The following FARS2 variants were observed in gnomAD, a reference collection of about 807,000 sequenced individuals.
The protein encoded by FARS2 is phenylalanyl-tRNA synthetase 2, mitochondrial.
Under a neutral mutation model 46.4 loss-of-function variants are expected in FARS2, and 40 were observed. The ratio of observed to expected loss-of-function variants is 0.86; its 90% CI spans 0.67 to 1.12. The LOEUF is 1.12. FARS2 is among the 50% of genes most tolerant of loss of function. FARS2 has a pLI of 0.00. For missense variants in FARS2, 513 were observed against 567.9 expected, an observed-to-expected ratio of 0.90 and a Z score of 0.98; for synonymous variants, 234 against 214.9, an observed-to-expected ratio of 1.09 and a Z score of -0.78.
intron 5 of FARS2, among the ~76,000 whole-genome samples, chr6:5,593,782 G>A (rs1774052762): frequency 6.6e-6 from 1 of 152,240 alleles, no homozygotes; most frequent in Non-Finnish European, 1.5e-5. Flanking sequence ...TTTCGGGGCA[G>A]TGGAGAAGCC....
chr6:5,563,607 G>T lies in FARS2; in HGVS notation c.1065+18267G>T, dbSNP rs149638951. 5.3e-5 allele frequency among the ~76,000 whole-genome samples: 8 copies of T among 152,260 alleles called. No individual in the cohort carries two copies. The East Asian group carries it at 1.5e-3, about 29-fold the overall frequency. ...CTACTTCCTGCTGAAAAGGGGTTTC[G>T]AATGGGGAACAGTAGCTAGGGCTCC... On this transcript the variant is annotated intron_variant, in intron 5 of 6. Coordinates refer to ENST00000274680, the MANE Select transcript of FARS2 (RefSeq NM_006567.5).
At chr6:5,602,645 C>CAA (rs55712653) in intron 5 of FARS2, among the ~76,000 whole-genome samples, 24,079 of 71,872 alleles carry the variant, frequency 0.34, 5,728 homozygotes, top group Middle Eastern at 0.52. Flanking sequence ...GACTCCGTCT[C>CAA]AAAAAAAAAA....
intron 1 of FARS2, among the ~76,000 whole-genome samples, chr6:5,313,294 C>G (rs925031143): frequency 1.3e-5 from 2 of 152,210 alleles, no homozygotes; most frequent in African/African-American, 2.4e-5. Context: ...GCTGTCCATA[C>G]TCAGACTACC....
At chr6:5,401,971 TTATCTGG>T (rs1761281901) in intron 2 of FARS2, among the ~76,000 whole-genome samples, 1 of 151,778 alleles carries the variant, frequency 6.6e-6, no homozygotes, top group Non-Finnish European at 1.5e-5. Context: ...GGTACCCATT[TTATCTGG>T]TATTAGTTCT....
intron 2 of FARS2, among the ~76,000 whole-genome samples, chr6:5,402,353 A>G (rs1761308832): frequency 9.9e-6 from 1 of 100,896 alleles, no homozygotes; most frequent in African/African-American, 3.9e-5. Flanking sequence ...TTAGTTTTTA[A>G]GTATTAGTTT....
At chr6:5,271,884 G>T (rs914907565) in intron 1 of FARS2, among the ~76,000 whole-genome samples, 2 of 152,054 alleles carry the variant, frequency 1.3e-5, no homozygotes, top group Non-Finnish European at 2.9e-5. Flanking sequence ...TATAGTAAAT[G>T]ATCGATAAAT....
In FARS2 at chr6:5,594,616, G is replaced by A. The variant is rs954325439; in HGVS notation, c.1066-18553G>A. ...ATGGCAGAAAGCAGCTCCCCACCCT[G>A]GGGCTGAGGGAACAATCGAAGAGGC... On this transcript the variant is annotated intron_variant, in intron 5 of 6. Transcript: ENST00000274680. 2.6e-5 allele frequency among the ~76,000 whole-genome samples: 4 copies of A among 152,168 alleles called. No individual in the cohort carries two copies. In the East Asian group the frequency reaches 7.7e-4, roughly 29 times the overall value.
chr6:5,592,823 C>T (rs1311648677), intron 5 of FARS2, among the ~76,000 whole-genome samples: 3 of 152,224 alleles, frequency 2.0e-5, no homozygotes, highest in South Asian at 2.1e-4. Context: ...TTGCCTGCCA[C>T]GAGGCCCAGA....
chr6:5,640,859 G>C (rs911279992), intron 6 of FARS2, among the ~76,000 whole-genome samples: 1 of 152,164 alleles, frequency 6.6e-6, no homozygotes, highest in Admixed American at 6.5e-5. Context: ...TTTAAATCCT[G>C]CTTGTAACAA....
intron 4 of FARS2, among the ~76,000 whole-genome samples, chr6:5,435,888 A>G (rs372636938): frequency 6.6e-5 from 10 of 152,368 alleles, no homozygotes; most frequent in African/African-American, 2.4e-4. Flanking sequence ...GTCAAAATTT[A>G]AAAATCGGCT....
At chr6:5,374,790 C>G (rs1304060477) in intron 2 of FARS2, among the ~76,000 whole-genome samples, 1 of 151,830 alleles carries the variant, frequency 6.6e-6, no homozygotes, top group Non-Finnish European at 1.5e-5. Flanking sequence ...ACTGTATTAA[C>G]TGATATAAGG....
intron 6 of FARS2, among the ~76,000 whole-genome samples, chr6:5,657,182 T>C: frequency 6.6e-6 from 1 of 152,164 alleles, no homozygotes; most frequent in Non-Finnish European, 1.5e-5. Flanking sequence ...TTTTGTGGGA[T>C]GTGTATTTAG....
chr6:5,358,215 A>G (rs552271406), intron 1 of FARS2, among the ~76,000 whole-genome samples: 4 of 152,274 alleles, frequency 2.6e-5, no homozygotes, highest in African/African-American at 9.6e-5. Context: ...TTTACTTGCC[A>G]TAACTATTCT....
At chr6:5,599,817 T>C (rs939783924) in intron 5 of FARS2, among the ~76,000 whole-genome samples, 14 of 152,192 alleles carry the variant, frequency 9.2e-5, no homozygotes, top group Admixed American at 1.3e-4. Flanking sequence ...CGCCACCTCC[T>C]CTGCAAGCCC....
intron 4 of FARS2, among the ~76,000 whole-genome samples, chr6:5,481,252 G>A (rs1042907024): frequency 3.9e-5 from 6 of 152,228 alleles, no homozygotes; most frequent in African/African-American, 1.2e-4. Context: ...ACATGGAAAT[G>A]TGGACACAGT....
At chr6:5,465,901 C>A (rs1184269261) in intron 4 of FARS2, among the ~76,000 whole-genome samples, 2 of 151,678 alleles carry the variant, frequency 1.3e-5, no homozygotes, top group Non-Finnish European at 1.5e-5. Flanking sequence ...AATAGTTTAT[C>A]AACCTCTGTC....
At position 5,404,388 on chromosome 6, in the gene FARS2, G is replaced by A. The variant is rs137998196; in HGVS notation, c.613-154G>A. On this transcript the variant is annotated intron_variant, in intron 2 of 6. Coordinates refer to ENST00000274680, the MANE Select transcript of FARS2 (RefSeq NM_006567.5). ...TTCTTCAGAGTTGTACTAAGTGAAT[G>A]TTAATTTCATTACGTTTATTGACAG... Among the ~76,000 whole-genome samples, 470 of 152,286 alleles carry A rather than the reference G, an allele frequency of 3.1e-3. 4 individuals carry two copies. Among genetic ancestry groups the A allele is most frequent in the African/African-American group, 0.011 (455 of 41,550 alleles).
intron 6 of FARS2, among the ~76,000 whole-genome samples, chr6:5,618,256 G>A (rs1775577147): frequency 6.6e-6 from 1 of 152,154 alleles, no homozygotes; most frequent in African/African-American, 2.4e-5. Flanking sequence ...TCTACTGGGA[G>A]ATCATCCTTC....
chr6:5,301,848 A>C (rs868670430), intron 1 of FARS2, among the ~76,000 whole-genome samples: 116 of 122,984 alleles, frequency 9.4e-4, no homozygotes, highest in African/African-American at 2.5e-3. Context: ...CACACACACA[A>C]AGAAAATGGG....
Sources: allele counts gnomAD v4.1 joint callset (sites outside exome capture counted in the v4.1 genomes callset), GRCh38; gene constraint gnomAD v4.1.1; transcripts MANE v1.5; gene names NCBI Gene and HGNC (gene_info 2026-07-23, HGNC 2026-07-21).